Variants in YAP1 observed in about 807,000 individuals in gnomAD.
YAP1 encodes the protein Yes1 associated transcriptional regulator.
Under a neutral mutation model 56.9 loss-of-function variants are expected in YAP1, and 5 were observed. The ratio of observed to expected loss-of-function variants is 0.09; its 90% confidence interval spans 0.05 to 0.18. YAP1 has a LOEUF of 0.18. YAP1 is among the 10% of genes least tolerant of loss of function. The pLI is 1.00. For missense variants in YAP1, 539 were observed against 651.8 expected, an observed-to-expected ratio of 0.83 and a Z score of 1.88; for synonymous variants, 265 against 248.1, an observed-to-expected ratio of 1.07 and a Z score of -0.64.
intron 4 of YAP1, chr11:102,186,614 TG>T (rs1947962315): frequency 6.5e-6 from 1 of 152,842 alleles, no homozygotes; most frequent in Admixed American, 6.6e-5. Context: ...ACCCCAGAAA[TG>T]GCCCAGTGAA....
intron 4 of YAP1, among the ~76,000 whole-genome samples, chr11:102,188,190 G>A (rs1273283861): frequency 1.3e-5 from 2 of 152,170 alleles, no homozygotes; most frequent in African/African-American, 2.4e-5. Flanking sequence ...CCTTGTTTCT[G>A]ACCCTTTGGG....
chr11:102,141,812 A>T (rs996620717), intron 2 of YAP1, among the ~76,000 whole-genome samples: 5 of 152,302 alleles, frequency 3.3e-5, no homozygotes, highest in Non-Finnish European at 7.4e-5. Context: ...ATTGTGTCTT[A>T]TGCACTTAGC....
chr11:102,183,702 CTGTGTGTGTGTGTGTGTGTG>C (rs140546191), intron 3 of YAP1, among the ~76,000 whole-genome samples: 5 of 141,808 alleles, frequency 3.5e-5, no homozygotes, highest in South Asian at 2.3e-4. Flanking sequence ...AATGCTGTTT[CTGTGTGTGTGTGTGTGTGTG>C]TGTGTGTGTG....
intron 7 of YAP1, among the ~76,000 whole-genome samples, chr11:102,225,665 GATGTCCCCCTCC>G (rs1168983685): frequency 1.3e-5 from 2 of 152,250 alleles, no homozygotes; most frequent in African/African-American, 4.8e-5. Context: ...AGCTCACTCA[GATGTCCCCCTCC>G]ATGAAACTTT....
chr11:102,188,024 G>C (rs796638006), intron 4 of YAP1, among the ~76,000 whole-genome samples: 23 of 152,198 alleles, frequency 1.5e-4, no homozygotes, highest in South Asian at 4.1e-4. Context: ...GTAACTGAAG[G>C]GGGGCAGGAA....
intron 5 of YAP1, 40 bp downstream of exon 5, chr11:102,206,114 G>A (rs760305078): frequency 2.5e-6 from 4 of 1,574,822 alleles, no homozygotes; most frequent in South Asian, 1.2e-5. Context: ...CACTTTTGGG[G>A]GTTTGTTTTC....
chr11:102,152,206 T>C (rs1043775150), intron 2 of YAP1, among the ~76,000 whole-genome samples: 8 of 152,212 alleles, frequency 5.3e-5, no homozygotes, highest in Non-Finnish European at 8.8e-5. Context: ...TTGTATTCAA[T>C]CTGGTTCACA....
chr11:102,120,914 T>C lies in YAP1; in HGVS notation c.572+6520T>C, dbSNP rs118188277. 6.1e-3 allele frequency among the ~76,000 whole-genome samples: 936 copies of C among 152,342 alleles called. 2 individuals are homozygous for C. Among genetic ancestry groups the C allele is most frequent in the Middle Eastern group, 0.014 (4 of 294 alleles). Reference sequence around the variant, plus strand: ...ACTAATAAGGAGCAGGCTTTTGGGATAAAAAGTACATACGCTGCCACCTAG... The same window carrying C: ...ACTAATAAGGAGCAGGCTTTTGGGACAAAAAGTACATACGCTGCCACCTAG... On this transcript the variant is annotated intron_variant, in intron 2 of 8. Coordinates refer to ENST00000282441, the MANE Select transcript of YAP1 (RefSeq NM_001130145.3).
chr11:102,164,912 G>A (rs1946510517), intron 3 of YAP1, among the ~76,000 whole-genome samples: 1 of 152,142 alleles, frequency 6.6e-6, no homozygotes, highest in South Asian at 2.1e-4. Context: ...AGTAGAGAAG[G>A]GTTTTCTCCA....
chr11:102,150,802 G>GTTT (rs370378973), intron 2 of YAP1, among the ~76,000 whole-genome samples: 1,571 of 108,014 alleles, frequency 0.015, 81 homozygotes, highest in African/African-American at 0.048. Context: ...CATACAAATG[G>GTTT]TTTTTTTTTT....
intron 3 of YAP1, among the ~76,000 whole-genome samples, chr11:102,173,634 A>T (rs1399167245): frequency 6.6e-6 from 1 of 152,144 alleles, no homozygotes; most frequent in East Asian, 1.9e-4. Context: ...TCTCTGTTTT[A>T]TAGATAAAGA....
chr11:102,141,356 T>A (rs984302157), intron 2 of YAP1, among the ~76,000 whole-genome samples: 1 of 152,228 alleles, frequency 6.6e-6, no homozygotes. Flanking sequence ...CCTGTTTTGG[T>A]GTCTTTATAA....
At chr11:102,132,028 G>C (rs555076861) in intron 2 of YAP1, among the ~76,000 whole-genome samples, 1 of 152,142 alleles carries the variant, frequency 6.6e-6, no homozygotes, top group Non-Finnish European at 1.5e-5. Flanking sequence ...TGAGGCAGGA[G>C]AATCGCTTGA....
At chr11:102,124,753 A>C (rs1943922549) in intron 2 of YAP1, among the ~76,000 whole-genome samples, 2 of 151,888 alleles carry the variant, frequency 1.3e-5, no homozygotes, top group African/African-American at 4.8e-5. Flanking sequence ...ATGATGTGGG[A>C]GGGGGGCGGT....
chr11:102,122,424 CA>C (rs34741279), intron 2 of YAP1, among the ~76,000 whole-genome samples: 73,421 of 143,994 alleles, frequency 0.51, 19,818 homozygotes, highest in African/African-American at 0.73. Flanking sequence ...GACTCTGTCT[CA>C]AAAAAAAAAA....
chr11:102,114,339 C>T lies in YAP1; in HGVS notation c.517C>T (p.Leu173=), dbSNP rs180812726. ...TTTTGAGATACCTGATGATGTACCT[C>T]TGCCAGCAGGTTGGGAGATGGCAAA... ...SSFEIPDDVP[L]PAGWEMAKTS... Residue 173 remains leucine, a synonymous_variant, in exon 2 of 9, where the codon CTG becomes TTG. Coordinates refer to ENST00000282441, the MANE Select transcript of YAP1 (RefSeq NM_001130145.3). The T allele has an allele frequency of 1.2e-6, 2 of 1,614,174 alleles. No homozygotes were observed. The highest frequency in any genetic ancestry group is 2.7e-5 in the African/African-American group (2 of 75,054).
intron 2 of YAP1, among the ~76,000 whole-genome samples, chr11:102,151,582 G>T (rs1380030904): frequency 6.6e-6 from 1 of 152,088 alleles, no homozygotes; most frequent in African/African-American, 2.4e-5. Context: ...TATTCAAGTT[G>T]TATCTTTATG....
At chr11:102,141,869 G>C (rs145483322) in intron 2 of YAP1, among the ~76,000 whole-genome samples, 2 of 152,196 alleles carry the variant, frequency 1.3e-5, no homozygotes, top group African/African-American at 4.8e-5. Flanking sequence ...TGGTGTGCCA[G>C]CTGATTTACT....
intron 3 of YAP1, among the ~76,000 whole-genome samples, chr11:102,165,837 A>G (rs1418453676): frequency 6.6e-6 from 1 of 152,192 alleles, no homozygotes; most frequent in Non-Finnish European, 1.5e-5. Context: ...AGGAACCACT[A>G]ACGAACGTCC....
Sources: gnomAD v4.1 joint callset for allele counts (sites outside exome capture counted in the v4.1 genomes callset) on GRCh38, gnomAD v4.1.1 for gene constraint, MANE v1.5 for transcripts, NCBI Gene and HGNC (gene_info 2026-07-23, HGNC 2026-07-21) for gene names.